The following BRF1 variants were observed in gnomAD, a reference collection of about 807,000 sequenced individuals.
BRF1 encodes transcription factor IIIB 90 kDa subunit.
BRF1 carries 59 observed loss-of-function variants against 81.7 expected under a neutral mutation model. That is an observed-to-expected ratio of 0.72 (90% CI 0.59 to 0.90). BRF1 has a LOEUF of 0.90. Ranked by LOEUF, BRF1 falls within the 40% of genes least tolerant of loss-of-function variation. BRF1 has a pLI of 0.00. For missense variants in BRF1, 1,050 were observed against 936.3 expected, an observed-to-expected ratio of 1.12 and a Z score of -1.58; for synonymous variants, 491 against 395.6, an observed-to-expected ratio of 1.24 and a Z score of -2.86.
At chr14:105,304,586 A>G (rs1256953049), upstream of BRF1, among the ~76,000 whole-genome samples, 2 of 152,264 alleles carry the variant, frequency 1.3e-5, no homozygotes, top group Non-Finnish European at 2.9e-5. Context: ...GCCTTTGCTC[A>G]GATGGGCTGC....
chr14:105,245,816 C>A (rs587760858), intron 5 of BRF1, among the ~76,000 whole-genome samples: 150 of 152,284 alleles, frequency 9.9e-4, no homozygotes, highest in African/African-American at 3.6e-3. Context: ...AACTGTAAAA[C>A]CCTTAGAAGA....
At chr14:105,248,425 G>C (rs1446312217) in intron 5 of BRF1, 2 of 985,356 alleles carry the variant, frequency 2.0e-6, no homozygotes, top group Non-Finnish European at 2.4e-6. Context: ...CCTCTGCACA[G>C]CGCGCGGCTC....
chr14:105,219,375 T>C, intron 12 of BRF1, 143 bp from the exon 13 acceptor site: 9 of 1,474,566 alleles, frequency 6.1e-6, no homozygotes, highest in Non-Finnish European at 8.1e-6. Context: ...GAGCCTGGGC[T>C]GAGGCCTCAT....
At chr14:105,241,041 A>G (rs992756574) in intron 6 of BRF1, among the ~76,000 whole-genome samples, 9 of 152,206 alleles carry the variant, frequency 5.9e-5, no homozygotes, top group Non-Finnish European at 1.3e-4. Context: ...CTGCCCTGAG[A>G]GTTCTGCCCC....
At chr14:105,229,502 G>A (rs953679220) in intron 6 of BRF1, among the ~76,000 whole-genome samples, 16 of 152,204 alleles carry the variant, frequency 1.1e-4, no homozygotes, top group Admixed American at 6.5e-4. Context: ...CCGACCTGGG[G>A]CTCCAATTCC....
At chr14:105,228,717 G>A (rs961128983) in intron 7 of BRF1, 103 bp downstream of exon 7, 9 of 1,323,390 alleles carry the variant, frequency 6.8e-6, no homozygotes, top group Admixed American at 3.6e-5. Context: ...CCAGGCGGGG[G>A]ACGGCAGGGT....
rs1291364483 is a variant in BRF1 at position 105,209,579 on chromosome 14, CG to C, written c.*971del. ...GCCATGCCAGAGCTGAGACCTCCTA[CG>C]AGTGGTACTGGGGCCTTCCCACGAA... On this transcript the variant is annotated 3_prime_UTR_variant, in exon 18 of 18. Transcript: ENST00000547530. 2 of 702,580 alleles carry C rather than the reference CG, an allele frequency of 2.8e-6. No individual in the cohort carries two copies. Among genetic ancestry groups the C allele is most frequent in the African/African-American group, 3.5e-5 (2 of 57,274 alleles). 43.5% of individuals were successfully genotyped at this position (702,580 alleles called of 1,614,324 possible).
intron 14 of BRF1, among the ~76,000 whole-genome samples, chr14:105,218,664 G>C (rs192478606): frequency 6.6e-6 from 1 of 152,332 alleles, no homozygotes; most frequent in East Asian, 1.9e-4. Context: ...GACTTTCCCA[G>C]GGCGTCAGAA....
At chr14:105,216,378 G>A (rs587772062) in intron 15 of BRF1, among the ~76,000 whole-genome samples, 10 of 152,294 alleles carry the variant, frequency 6.6e-5, no homozygotes, top group South Asian at 2.1e-4. Context: ...CAGGGGAACC[G>A]AGCCACAGAC....
intron 5 of BRF1, chr14:105,249,110 G>A: frequency 2.7e-6 from 4 of 1,501,878 alleles, no homozygotes; most frequent in African/African-American, 1.4e-5. Flanking sequence ...CGCGGCCCCC[G>A]CGCCCGCGCG....
intron 12 of BRF1, chr14:105,219,601 G>A (rs587627369): frequency 2.3e-6 from 1 of 433,684 alleles, no homozygotes; most frequent in Non-Finnish European, 4.1e-6. Flanking sequence ...GGGGTCTGAG[G>A]CACCACGTGG....
intron 1 of BRF1, chr14:105,314,982 A>C (rs1198285597): frequency 8.0e-7 from 1 of 1,245,552 alleles, no homozygotes; most frequent in South Asian, 1.6e-5. Context: ...GCCCGTGCCC[A>C]TGAACCTGTT....
rs587776177 is a variant in BRF1, at chr14:105,281,491, G to A, written c.265+4805C>T. Among the ~76,000 whole-genome samples, 5 of 150,082 alleles carry A rather than the reference G, an allele frequency of 3.3e-5. No individual in the cohort carries two copies. The South Asian group carries it at 1.1e-3, about 32-fold the overall frequency. On this transcript the variant is annotated intron_variant, in intron 2 of 17. Coordinates refer to ENST00000547530, the MANE Select transcript of BRF1 (RefSeq NM_001519.4). The stretch of plus-strand genomic sequence containing the variant: ...TGCGTGACCCTGAGCCCAGGTGTGC[G>A]GATACAGCCTGCGTGACCCTGAGCC...
At chr14:105,229,373 G>A (rs1218469569) in intron 6 of BRF1, among the ~76,000 whole-genome samples, 1 of 152,214 alleles carries the variant, frequency 6.6e-6, no homozygotes, top group Admixed American at 6.5e-5. Flanking sequence ...GTGTGCAGAT[G>A]GAACGGCTTC....
At chr14:105,313,760 A>G (rs1039977033) in intron 1 of BRF1, among the ~76,000 whole-genome samples, 1 of 152,266 alleles carries the variant, frequency 6.6e-6, no homozygotes, top group Non-Finnish European at 1.5e-5. Context: ...CTGTGAAACA[A>G]GGAAACAGAA....
intron 1 of BRF1, among the ~76,000 whole-genome samples, chr14:105,313,595 G>T (rs149839207): frequency 6.6e-6 from 1 of 152,340 alleles, no homozygotes; most frequent in East Asian, 1.9e-4. Context: ...CGGCATGAGG[G>T]CCTTTGCAGA....
chr14:105,291,940 G>C (rs1014344481), intron 1 of BRF1, among the ~76,000 whole-genome samples: 5 of 152,120 alleles, frequency 3.3e-5, no homozygotes, highest in African/African-American at 1.2e-4. Context: ...GGAGGCTGCA[G>C]TGAGATGAGA....
rs145712717 is a variant in BRF1 at position 105,241,443 on chromosome 14, A to T, written c.545-29T>A. 3.1e-6 allele frequency: 5 copies of T among 1,607,284 alleles called. No homozygotes were observed. In the Admixed American group the frequency reaches 5.0e-5, roughly 16 times the overall value. ...CGGCAGACACAGCACCTCAGTGCCC[A>T]CCTCCATGTGCCATGGCACGTGCAC... is the stretch of plus-strand genomic sequence containing the variant. On this transcript the variant is annotated intron_variant, in intron 5 of 17. Coordinates refer to ENST00000547530, the MANE Select transcript of BRF1 (RefSeq NM_001519.4).
At chr14:105,229,022 G>C in intron 6 of BRF1, 109 bp from the exon 7 acceptor site, 1 of 990,868 alleles carries the variant, frequency 1.0e-6, no homozygotes, top group East Asian at 2.4e-5. Context: ...GATGGCCTGA[G>C]AAGACGTGTC....
Sources: gnomAD v4.1 joint callset for allele counts (sites outside exome capture counted in the v4.1 genomes callset) on GRCh38, gnomAD v4.1.1 for gene constraint, MANE v1.5 for transcripts, NCBI Gene and HGNC (gene_info 2026-07-23, HGNC 2026-07-21) for gene names.